The following SPOCK1 variants were observed in gnomAD, a reference collection of about 807,000 sequenced individuals.
SPOCK1 encodes testican-1.
SPOCK1 carries 23 observed loss-of-function variants against 55.3 expected under a neutral mutation model. That is an observed-to-expected ratio of 0.42 (90% CI 0.30 to 0.59). SPOCK1 has a LOEUF of 0.59. Among genes scored for constraint, SPOCK1 ranks in the 20% least tolerant of loss-of-function variants. The pLI is 0.22. For missense variants in SPOCK1, 499 were observed against 552.5 expected, an observed-to-expected ratio of 0.90 and a Z score of 0.97; for synonymous variants, 226 against 221.0, an observed-to-expected ratio of 1.02 and a Z score of -0.20.
intron 3 of SPOCK1, among the ~76,000 whole-genome samples, chr5:137,145,992 C>T (rs1422043738): frequency 2.0e-5 from 3 of 152,198 alleles, no homozygotes. Flanking sequence ...CCACAGGGAC[C>T]ATGCTGGGGA....
chr5:137,060,161 C>A (rs578188311), intron 6 of SPOCK1, among the ~76,000 whole-genome samples: 80 of 152,320 alleles, frequency 5.3e-4, no homozygotes, highest in African/African-American at 1.7e-3. Flanking sequence ...CTGTTCATCA[C>A]AGCACTATTC....
At chr5:137,347,328 T>A (rs1750580206) in intron 2 of SPOCK1, among the ~76,000 whole-genome samples, 1 of 152,186 alleles carries the variant, frequency 6.6e-6, no homozygotes, top group Non-Finnish European at 1.5e-5. Context: ...TAACAGGGTG[T>A]AATTTCTCAC....
At chr5:137,256,002 A>G (rs1756623581) in intron 3 of SPOCK1, among the ~76,000 whole-genome samples, 1 of 152,230 alleles carries the variant, frequency 6.6e-6, no homozygotes, top group Admixed American at 6.5e-5. Context: ...CCTCCTGGCC[A>G]GGCTGCCAGT....
At chr5:137,485,730 AC>A (rs1160038073) in intron 2 of SPOCK1, among the ~76,000 whole-genome samples, 4 of 152,204 alleles carry the variant, frequency 2.6e-5, no homozygotes, top group Non-Finnish European at 5.9e-5. Context: ...AAACACACAC[AC>A]AAAAAAAAGT....
At chr5:137,207,864 C>A (rs1755546656) in intron 3 of SPOCK1, among the ~76,000 whole-genome samples, 1 of 152,128 alleles carries the variant, frequency 6.6e-6, no homozygotes, top group South Asian at 2.1e-4. Flanking sequence ...TAGTATCATA[C>A]CCTATGAGTC....
At position 137,472,390 on chromosome 5, in the gene SPOCK1, G is replaced by A. The variant is rs116507247; in HGVS notation, c.186+25983C>T. ...GTATTAGGTGTACAAAAAAAAAAAA[G>A]CTCAGTGCAAACTAACATTTCACTG... On this transcript the variant is annotated intron_variant, in intron 2 of 10. Coordinates refer to ENST00000394945, the MANE Select transcript of SPOCK1 (RefSeq NM_004598.4). Among the ~76,000 whole-genome samples the A allele has an allele frequency of 3.7e-3, 565 of 151,562 alleles. 3 individuals carry two copies. Among genetic ancestry groups the A allele is most frequent in the African/African-American group, 0.012 (511 of 41,320 alleles).
At chr5:137,386,524 G>T (rs1201009511) in intron 2 of SPOCK1, among the ~76,000 whole-genome samples, 1 of 152,178 alleles carries the variant, frequency 6.6e-6, no homozygotes, top group Non-Finnish European at 1.5e-5. Context: ...GACCCACATA[G>T]ATGTAGTCAA....
At chr5:137,421,490 G>T (rs1486229147) in intron 2 of SPOCK1, among the ~76,000 whole-genome samples, 2 of 152,174 alleles carry the variant, frequency 1.3e-5, no homozygotes, top group Non-Finnish European at 2.9e-5. Flanking sequence ...CCTGTATTGG[G>T]TGCATATATA....
At chr5:137,178,677 C>A (rs1032023416) in intron 3 of SPOCK1, among the ~76,000 whole-genome samples, 2 of 152,332 alleles carry the variant, frequency 1.3e-5, no homozygotes, top group East Asian at 1.9e-4. Flanking sequence ...TCTGGGGCCA[C>A]CCTCACACCA....
chr5:137,042,868 T>G (rs1398784969), intron 6 of SPOCK1, among the ~76,000 whole-genome samples: 1 of 152,080 alleles, frequency 6.6e-6, no homozygotes, highest in African/African-American at 2.4e-5. Context: ...TACACACACA[T>G]GCACACACAC....
At chr5:137,060,644 A>AG (rs1270232718) in intron 6 of SPOCK1, among the ~76,000 whole-genome samples, 2 of 150,500 alleles carry the variant, frequency 1.3e-5, no homozygotes, top group Admixed American at 1.3e-4. Flanking sequence ...AAAAAAAAAA[A>AG]CAGTAAGTGC....
At chr5:137,460,499 C>T (rs560897102) in intron 2 of SPOCK1, among the ~76,000 whole-genome samples, 1 of 152,264 alleles carries the variant, frequency 6.6e-6, no homozygotes, top group Admixed American at 6.5e-5. Context: ...CCCAACCCTA[C>T]AGGAGACATT....
At position 137,479,328 on chromosome 5, in the gene SPOCK1, A is replaced by G. The variant is rs368664836; in HGVS notation, c.186+19045T>C. ...AAGGAATGAGAGTTTAGGGAGCATCATAAACAGTAGCTCAGCTGGAACCAC... is the reference window on the plus strand; with the variant it reads ...AAGGAATGAGAGTTTAGGGAGCATCGTAAACAGTAGCTCAGCTGGAACCAC... On this transcript the variant is annotated intron_variant, in intron 2 of 10. Transcript: ENST00000394945. 5.3e-5 allele frequency among the ~76,000 whole-genome samples: 8 copies of G among 152,346 alleles called. No individual in the cohort carries two copies. The East Asian group carries it at 7.7e-4, about 15-fold the overall frequency.
chr5:137,223,174 CA>C (rs1039705570), intron 3 of SPOCK1, among the ~76,000 whole-genome samples: 3 of 151,984 alleles, frequency 2.0e-5, no homozygotes, highest in African/African-American at 7.3e-5. Flanking sequence ...GAGACAGGAA[CA>C]GACCACCATT....
At chr5:137,076,663 G>A (rs1231846040) in intron 5 of SPOCK1, among the ~76,000 whole-genome samples, 1 of 148,340 alleles carries the variant, frequency 6.7e-6, no homozygotes, top group Admixed American at 6.7e-5. Flanking sequence ...ACAGTTTCTA[G>A]TAAATTCATA....
At chr5:137,356,820 T>G (rs1179788920) in intron 2 of SPOCK1, among the ~76,000 whole-genome samples, 3 of 23,806 alleles carry the variant, frequency 1.3e-4, no homozygotes, top group Non-Finnish European at 1.5e-4. Flanking sequence ...TATATATATA[T>G]ATATATATAT....
chr5:137,192,271 C>CTCAGAGAG (rs1227879907), intron 3 of SPOCK1, among the ~76,000 whole-genome samples: 15 of 150,262 alleles, frequency 1.0e-4, no homozygotes, highest in African/African-American at 3.7e-4. Context: ...GGAAAACAAG[C>CTCAGAGAG]TCAGAGAGTC....
intron 5 of SPOCK1, among the ~76,000 whole-genome samples, chr5:137,100,426 A>C (rs1279602331): frequency 6.6e-6 from 1 of 152,206 alleles, no homozygotes; most frequent in Non-Finnish European, 1.5e-5. Context: ...CCAGCAGAAA[A>C]TGGTAGAAGA....
At chr5:137,375,589 A>T (rs529851898) in intron 2 of SPOCK1, among the ~76,000 whole-genome samples, 1 of 152,254 alleles carries the variant, frequency 6.6e-6, no homozygotes, top group Non-Finnish European at 1.5e-5. Flanking sequence ...TTATACCTCA[A>T]TAGAAATGTA....
Sources: gnomAD v4.1 joint callset for allele counts (sites outside exome capture counted in the v4.1 genomes callset) on GRCh38, gnomAD v4.1.1 for gene constraint, MANE v1.5 for transcripts, NCBI Gene and HGNC (gene_info 2026-07-23, HGNC 2026-07-21) for gene names.